Variants in CNKSR2 observed in about 807,000 individuals in gnomAD.
The protein encoded by CNKSR2 is connector enhancer of kinase suppressor of Ras 2.
A neutral mutation model predicts 84.4 loss-of-function variants in CNKSR2; 14 were observed. The ratio of observed to expected loss-of-function variants is 0.17; its 90% confidence interval spans 0.11 to 0.26. CNKSR2 has a LOEUF of 0.26. CNKSR2 is among the 10% of genes least tolerant of loss of function. The pLI, the probability that CNKSR2 is intolerant of heterozygous loss-of-function variation, is 1.00. For synonymous variants in CNKSR2, 275 were observed against 277.9 expected, an observed-to-expected ratio of 0.99 and a Z score of 0.10; for missense variants, 485 against 771.2, an observed-to-expected ratio of 0.63 and a Z score of 4.40.
At chrX:21,632,005 C>T (rs2092650216) in intron 20 of CNKSR2, among the ~76,000 whole-genome samples, 1 of 111,916 alleles carries the variant, frequency 8.9e-6, no homozygotes, top group African/African-American at 3.2e-5. Flanking sequence ...AACAGCAATA[C>T]CTCCATTAAA....
intron 4 of CNKSR2, among the ~76,000 whole-genome samples, chrX:21,446,793 G>A (rs750575793): frequency 9.0e-6 from 1 of 111,624 alleles, no homozygotes; most frequent in Admixed American, 9.5e-5. Context: ...ATAGCAAATA[G>A]TAGATCCTAT....
intron 8 of CNKSR2, among the ~76,000 whole-genome samples, chrX:21,512,758 TG>T (rs2091686978): frequency 9.0e-6 from 1 of 111,143 alleles, no homozygotes; most frequent in Non-Finnish European, 1.9e-5. Context: ...GAGGTTTTTT[TG>T]TTTTGTTTTG....
intron 9 of CNKSR2, among the ~76,000 whole-genome samples, chrX:21,526,397 A>T (rs950793443): frequency 9.0e-6 from 1 of 111,318 alleles, no homozygotes; most frequent in African/African-American, 3.3e-5. Context: ...CTAACCTAGA[A>T]ATATGGTTTA....
chrX:21,415,792 A>G (rs1263596284), intron 1 of CNKSR2, among the ~76,000 whole-genome samples: 1 of 105,353 alleles, frequency 9.5e-6, no homozygotes, highest in Non-Finnish European at 1.9e-5. Flanking sequence ...TTATATATAT[A>G]TGATATGTAT....
At chrX:21,527,859 A>C (rs1480997340) in intron 10 of CNKSR2, among the ~76,000 whole-genome samples, 2 of 111,067 alleles carry the variant, frequency 1.8e-5, no homozygotes, top group Non-Finnish European at 1.9e-5. Context: ...TTTCTTTCAT[A>C]TATAAAAGAA....
At chrX:21,501,486 A>T (rs749901678) in intron 7 of CNKSR2, 34 bp from the exon 8 acceptor site, 1 of 947,363 alleles carries the variant, frequency 1.1e-6, no homozygotes, top group Non-Finnish European at 1.5e-6. Flanking sequence ...GATAAAATTT[A>T]TGTTCTTTAT....
At chrX:21,388,283 A>T (rs2090000409) in intron 1 of CNKSR2, among the ~76,000 whole-genome samples, 1 of 112,326 alleles carries the variant, frequency 8.9e-6, no homozygotes, top group Admixed American at 9.4e-5. Context: ...TACAAGAGAA[A>T]ATGGAAGAAC....
chrX:21,490,856 T>A (rs765481102), intron 6 of CNKSR2: 1 of 154,162 alleles, frequency 6.5e-6, no homozygotes, highest in Non-Finnish European at 1.2e-5. Context: ...CCTCCCTCCC[T>A]ACCAAAGTTC....
intron 4 of CNKSR2, among the ~76,000 whole-genome samples, chrX:21,461,695 T>G (rs1330307720): frequency 8.9e-6 from 1 of 112,477 alleles, no homozygotes; most frequent in Non-Finnish European, 1.9e-5. Flanking sequence ...TTTAATCCAT[T>G]TTTATTTGAA....
rs150827580 is a variant in CNKSR2, at chrX:21,557,818, T to C, written c.1304-3653T>C. On this transcript the variant is annotated intron_variant, in intron 11 of 21. Transcript: ENST00000379510. ...CAATATAAGTACTACTATGTAAAGA[T>C]ATGTCTTAAACTTTTCCAGATTACT... 8.7e-3 allele frequency among the ~76,000 whole-genome samples: 968 copies of C among 111,603 alleles called. 7 individuals carry two copies. The highest frequency in any genetic ancestry group is 0.028 in the African/African-American group (874 of 30,852).
chrX:21,434,805 T>TA (rs982511456), intron 3 of CNKSR2, among the ~76,000 whole-genome samples: 2 of 109,404 alleles, frequency 1.8e-5, no homozygotes, highest in Non-Finnish European at 3.8e-5. Context: ...AAGAATAGGT[T>TA]AAAAAAAATC....
At chrX:21,447,238 T>G (rs1486305173) in intron 4 of CNKSR2, among the ~76,000 whole-genome samples, 1 of 111,737 alleles carries the variant, frequency 8.9e-6, no homozygotes, top group Non-Finnish European at 1.9e-5. Flanking sequence ...AATATGATTA[T>G]CCATTCTTCT....
At chrX:21,398,204 T>C (rs1333102333) in intron 1 of CNKSR2, among the ~76,000 whole-genome samples, 2 of 111,749 alleles carry the variant, frequency 1.8e-5, no homozygotes, top group African/African-American at 6.5e-5. Context: ...CATAGTGAAA[T>C]TTCTGGTAAT....
intron 9 of CNKSR2, among the ~76,000 whole-genome samples, chrX:21,517,990 T>C (rs1365791172): frequency 1.8e-5 from 2 of 112,215 alleles, no homozygotes; most frequent in Non-Finnish European, 3.8e-5. Context: ...AAAACACATA[T>C]ATGTGTCAAC....
intron 4 of CNKSR2, among the ~76,000 whole-genome samples, chrX:21,459,018 CTTTTTTTTTTT>C (rs35121561): frequency 1.1e-5 from 1 of 88,530 alleles, no homozygotes; most frequent in Non-Finnish European, 2.2e-5. Flanking sequence ...ATTCTTCATC[CTTTTTTTTTTT>C]TTTTTTTTTT....
At chrX:21,582,012 A>G (rs2092356449) in intron 13 of CNKSR2, among the ~76,000 whole-genome samples, 1 of 111,604 alleles carries the variant, frequency 9.0e-6, no homozygotes, top group African/African-American at 3.3e-5. Flanking sequence ...AGGGTTTTCT[A>G]ATTGAACTGA....
chrX:21,534,314 T>C (rs1341238201), intron 11 of CNKSR2, among the ~76,000 whole-genome samples: 1 of 110,574 alleles, frequency 9.0e-6, no homozygotes, highest in Non-Finnish European at 1.9e-5. Flanking sequence ...ATATATCACA[T>C]TTTCTTTATC....
chrX:21,420,817 G>A (rs1418457966), intron 1 of CNKSR2, among the ~76,000 whole-genome samples: 1 of 110,053 alleles, frequency 9.1e-6, no homozygotes, highest in Non-Finnish European at 1.9e-5. Flanking sequence ...GTCTCTTTTG[G>A]AGCCATGAGC....
intron 9 of CNKSR2, among the ~76,000 whole-genome samples, chrX:21,523,952 T>C (rs1158654004): frequency 9.0e-6 from 1 of 110,957 alleles, no homozygotes; most frequent in Non-Finnish European, 1.9e-5. Flanking sequence ...TTTTAAATTA[T>C]CACAAAGACC....
Sources: gnomAD v4.1 joint callset for allele counts (sites outside exome capture counted in the v4.1 genomes callset) on GRCh38, gnomAD v4.1.1 for gene constraint, MANE v1.5 for transcripts, NCBI Gene and HGNC (gene_info 2026-07-23, HGNC 2026-07-21) for gene names.